The following KIF16B variants were observed in gnomAD, a reference collection of about 807,000 sequenced individuals.
The protein encoded by KIF16B is kinesin family member 16B, also known as kinesin-like protein KIF16B.
In KIF16B, 98 loss-of-function variants were observed where a neutral mutation model predicts 156.3. That is an observed-to-expected ratio of 0.63 (90% CI 0.53 to 0.74). The LOEUF (loss-of-function observed/expected upper bound fraction) is 0.74. KIF16B is among the 30% of genes least tolerant of loss of function. The pLI is 0.00. For synonymous variants in KIF16B, 564 were observed against 583.7 expected, an observed-to-expected ratio of 0.97 and a Z score of 0.49; for missense variants, 1,421 against 1,606.5, an observed-to-expected ratio of 0.88 and a Z score of 1.97.
At chr20:16,489,462 C>T (rs1411703948) in intron 12 of KIF16B, among the ~76,000 whole-genome samples, 1 of 152,052 alleles carries the variant, frequency 6.6e-6, no homozygotes, top group Non-Finnish European at 1.5e-5. Flanking sequence ...TTTGGGAGGC[C>T]AAGGCAGGAG....
intron 25 of KIF16B, among the ~76,000 whole-genome samples, chr20:16,301,366 G>A (rs1485708814): frequency 6.6e-6 from 1 of 152,166 alleles, no homozygotes. Flanking sequence ...TGAGAGGGCT[G>A]GATCATACGG....
At chr20:16,338,750 T>G (rs2064086655) in intron 23 of KIF16B, among the ~76,000 whole-genome samples, 1 of 152,212 alleles carries the variant, frequency 6.6e-6, no homozygotes, top group African/African-American at 2.4e-5. Context: ...GATCTCATTT[T>G]AAAGTCACAA....
At chr20:16,545,933 A>T (rs1315563406) in intron 1 of KIF16B, among the ~76,000 whole-genome samples, 7 of 152,162 alleles carry the variant, frequency 4.6e-5, no homozygotes, top group Admixed American at 4.6e-4. Context: ...TTTGGCCTAT[A>T]AAATGGAGTT....
chr20:16,343,300 T>C (rs899732589), intron 23 of KIF16B, among the ~76,000 whole-genome samples: 2 of 152,206 alleles, frequency 1.3e-5, no homozygotes, highest in African/African-American at 2.4e-5. Context: ...CACAAATTTA[T>C]GTTATATACT....
chr20:16,461,033 A>T (rs1980574), intron 12 of KIF16B, among the ~76,000 whole-genome samples: 149,900 of 152,150 alleles, frequency 0.99, 73,851 homozygotes, highest in East Asian at 1. Context: ...TAGCCTTAAG[A>T]AATTTCATTG....
chr20:16,494,241 A>T, intron 12 of KIF16B, 50 bp downstream of exon 12: 2 of 1,114,810 alleles, frequency 1.8e-6, no homozygotes, highest in Non-Finnish European at 2.6e-6. Context: ...AAAAAGTTTT[A>T]CCAGTTTAAT....
chr20:16,291,455 T>C (rs960690444), intron 25 of KIF16B, among the ~76,000 whole-genome samples: 1 of 152,210 alleles, frequency 6.6e-6, no homozygotes, highest in African/African-American at 2.4e-5. Context: ...CTGAAAACTA[T>C]GTAAGCATCA....
At chr20:16,418,181 G>GA (rs1348546902) in intron 15 of KIF16B, among the ~76,000 whole-genome samples, 2 of 151,836 alleles carry the variant, frequency 1.3e-5, no homozygotes, top group Non-Finnish European at 2.9e-5. Context: ...GAAAAAAAGA[G>GA]AAAAAAAGGG....
chr20:16,400,152 A>C (rs577744019), intron 17 of KIF16B, among the ~76,000 whole-genome samples: 1 of 152,350 alleles, frequency 6.6e-6, no homozygotes, highest in South Asian at 2.1e-4. Flanking sequence ...ATCATCAGGA[A>C]ATCCATCCAG....
At chr20:16,563,357 C>T (rs1277693307) in intron 1 of KIF16B, among the ~76,000 whole-genome samples, 1 of 152,164 alleles carries the variant, frequency 6.6e-6, no homozygotes, top group East Asian at 1.9e-4. Flanking sequence ...GAAAGGCAGT[C>T]AAAGCCACCA....
At chr20:16,500,212 A>G (rs543356366) in intron 10 of KIF16B, among the ~76,000 whole-genome samples, 38 of 152,290 alleles carry the variant, frequency 2.5e-4, no homozygotes, top group African/African-American at 8.9e-4. Context: ...CCATTTCACT[A>G]TTCTTAAAAT....
At chr20:16,307,110 G>A (rs2063552095) in intron 25 of KIF16B, among the ~76,000 whole-genome samples, 1 of 152,120 alleles carries the variant, frequency 6.6e-6, no homozygotes, top group Non-Finnish European at 1.5e-5. Flanking sequence ...CAGTTTTCTA[G>A]GCAGTTTTGA....
At chr20:16,325,998 A>T (rs1235724907) in intron 24 of KIF16B, among the ~76,000 whole-genome samples, 1 of 152,136 alleles carries the variant, frequency 6.6e-6, no homozygotes, top group African/African-American at 2.4e-5. Context: ...AAACCCAAAT[A>T]CTTACAGCCA....
chr20:16,491,149 G>A (rs879055905), intron 12 of KIF16B, among the ~76,000 whole-genome samples: 32 of 152,124 alleles, frequency 2.1e-4, no homozygotes, highest in African/African-American at 7.5e-4. Flanking sequence ...CTAGAGGAAC[G>A]GAAAGGGGAC....
intron 12 of KIF16B, among the ~76,000 whole-genome samples, chr20:16,488,110 GC>G (rs1434712774): frequency 6.6e-6 from 1 of 152,166 alleles, no homozygotes; most frequent in Non-Finnish European, 1.5e-5. Flanking sequence ...ACCAAAGCCA[GC>G]CGGACATTGG....
In KIF16B at chr20:16,506,100, C is replaced by T; in HGVS notation, c.790G>A (p.Ala264Thr). ...AGSERADATG[A>T]TGVRLKEGGN... ...CCTTCCTTTAGCCTAACCCCGGTGG[C>T]TCCGGTGGCATCTGCACGCTCACTT... Residue 264 changes from alanine (A) to threonine (T), a missense_variant, in exon 8 of 26, where the codon GCC (alanine) becomes ACC (threonine). Ala to Thr is a moderately conservative substitution (Grantham distance 58, BLOSUM62 0). Coordinates refer to ENST00000354981, the MANE Select transcript of KIF16B (RefSeq NM_024704.5). 6.2e-7 allele frequency: 1 copy of T among 1,614,124 alleles called. No individual in the cohort carries two copies. Among genetic ancestry groups the T allele is most frequent in the Non-Finnish European group, 8.5e-7 (1 of 1,179,996 alleles).
intron 1 of KIF16B, among the ~76,000 whole-genome samples, chr20:16,531,386 A>C (rs570409150): frequency 1.9e-4 from 29 of 152,364 alleles, no homozygotes; most frequent in African/African-American, 7.0e-4. Flanking sequence ...AAAATAAAGA[A>C]GTAATAACAA....
intron 24 of KIF16B, 150 bp downstream of exon 24, chr20:16,335,775 TA>T (rs1490989021): frequency 2.2e-6 from 1 of 463,136 alleles, no homozygotes; most frequent in Admixed American, 4.0e-5. Flanking sequence ...TTATCTTTGA[TA>T]AATGGGTTAT....
intron 1 of KIF16B, 125 bp downstream of exon 1, chr20:16,573,104 G>C (rs565476241): frequency 2.9e-5 from 26 of 898,766 alleles, no homozygotes; most frequent in Middle Eastern, 2.7e-4. Flanking sequence ...CCACAGCCTG[G>C]GCCCGGTGGG....
Sources: allele counts gnomAD v4.1 joint callset (sites outside exome capture counted in the v4.1 genomes callset), GRCh38; gene constraint gnomAD v4.1.1; transcripts MANE v1.5; gene names NCBI Gene and HGNC (gene_info 2026-07-23, HGNC 2026-07-21).